BAZ1A: variants seen among roughly 807,000 people sequenced by gnomAD.
BAZ1A encodes bromodomain adjacent to zinc finger domain protein 1A.
BAZ1A carries 50 observed loss-of-function variants against 185.2 expected under a neutral mutation model. The ratio of observed to expected loss-of-function variants is 0.27; its 90% CI spans 0.22 to 0.34. The LOEUF (loss-of-function observed/expected upper bound fraction) is 0.34, where lower values mean the gene tolerates loss of function less well. Among genes scored for constraint, BAZ1A ranks in the 10% least tolerant of loss-of-function variants. The pLI is 1.00. For synonymous variants in BAZ1A, 571 were observed against 615.6 expected, an observed-to-expected ratio of 0.93 and a Z score of 1.07; for missense variants, 1,356 against 1,839.9, an observed-to-expected ratio of 0.74 and a Z score of 4.81.
intron 21 of BAZ1A, among the ~76,000 whole-genome samples, chr14:34,765,632 A>T (rs1235386198): frequency 1.3e-5 from 2 of 152,218 alleles, no homozygotes; most frequent in Non-Finnish European, 2.9e-5. Flanking sequence ...TGCATGAAGT[A>T]TGTTACTTCC....
intron 4 of BAZ1A, among the ~76,000 whole-genome samples, chr14:34,814,522 A>G (rs2041977201): frequency 6.6e-6 from 1 of 152,028 alleles, no homozygotes; most frequent in Non-Finnish European, 1.5e-5. Context: ...AGGCTGGAAT[A>G]CAGTGGCGCA....
intron 3 of BAZ1A, among the ~76,000 whole-genome samples, chr14:34,838,370 G>A (rs973785059): frequency 1.3e-5 from 2 of 152,080 alleles, no homozygotes; most frequent in African/African-American, 2.4e-5. Flanking sequence ...ATTTCAAGTC[G>A]TATCTGTTTC....
chr14:34,839,318 G>A (rs1312085886), intron 3 of BAZ1A, among the ~76,000 whole-genome samples: 1 of 152,080 alleles, frequency 6.6e-6, no homozygotes, highest in Non-Finnish European at 1.5e-5. Flanking sequence ...GGCTGAGGCA[G>A]GTGGATTGCT....
At chr14:34,832,187 C>CATAT (rs113371932) in intron 3 of BAZ1A, among the ~76,000 whole-genome samples, 3 of 102,582 alleles carry the variant, frequency 2.9e-5, no homozygotes, top group South Asian at 3.9e-4. Context: ...TACATATATA[C>CATAT]ATATACACAC....
chr14:34,755,967 T>C (rs910562992), intron 25 of BAZ1A, among the ~76,000 whole-genome samples: 2 of 151,556 alleles, frequency 1.3e-5, no homozygotes, highest in African/African-American at 4.8e-5. Context: ...ACTAAAGTCA[T>C]GCACCACCAC....
chr14:34,808,023 T>C (rs932573558), intron 5 of BAZ1A, among the ~76,000 whole-genome samples: 1 of 151,528 alleles, frequency 6.6e-6, no homozygotes, highest in African/African-American at 2.4e-5. Context: ...GAGAACAGCA[T>C]GAACACAGGA....
At chr14:34,827,749 A>C (rs1392805886) in intron 3 of BAZ1A, among the ~76,000 whole-genome samples, 1 of 141,578 alleles carries the variant, frequency 7.1e-6, no homozygotes, top group Non-Finnish European at 1.6e-5. Context: ...AAAAAAAAAA[A>C]AGAAAGTCAT....
chr14:34,868,526 G>A (rs887226331), intron 2 of BAZ1A, among the ~76,000 whole-genome samples: 1 of 152,138 alleles, frequency 6.6e-6, no homozygotes, highest in Non-Finnish European at 1.5e-5. Flanking sequence ...AAACTAGGCC[G>A]GGTGCCGTGA....
chr14:34,873,334 A>T (rs1316748290), intron 2 of BAZ1A, among the ~76,000 whole-genome samples: 1 of 152,168 alleles, frequency 6.6e-6, no homozygotes, highest in Non-Finnish European at 1.5e-5. Flanking sequence ...GATAAAGCAT[A>T]AGAAAAAGAG....
chr14:34,784,902 G>A (rs1880333951), intron 14 of BAZ1A, among the ~76,000 whole-genome samples: 1 of 152,098 alleles, frequency 6.6e-6, no homozygotes, highest in African/African-American at 2.4e-5. Context: ...TGTCGCCCAG[G>A]CTGGAGTACA....
chr14:34,771,247 C>T, intron 21 of BAZ1A: 1 of 296,218 alleles, frequency 3.4e-6, no homozygotes, highest in Non-Finnish European at 6.2e-6. Context: ...AGCGATTCCA[C>T]CTCAGCCTCC....
intron 3 of BAZ1A, among the ~76,000 whole-genome samples, chr14:34,835,122 C>T (rs1362453127): frequency 6.6e-6 from 1 of 151,722 alleles, no homozygotes; most frequent in Non-Finnish European, 1.5e-5. Context: ...AATGCAGTGG[C>T]ATGATCTCAG....
intron 3 of BAZ1A, among the ~76,000 whole-genome samples, chr14:34,841,283 C>A (rs1395008444): frequency 6.6e-6 from 1 of 152,168 alleles, no homozygotes; most frequent in Non-Finnish European, 1.5e-5. Flanking sequence ...ATTCTGATTG[C>A]CAATCATAGC....
intron 21 of BAZ1A, among the ~76,000 whole-genome samples, chr14:34,766,849 T>C (rs545244542): frequency 6.6e-6 from 1 of 152,274 alleles, no homozygotes; most frequent in East Asian, 1.9e-4. Flanking sequence ...AACAAAACAT[T>C]AAGTGAAAGC....
At chr14:34,807,831 C>T (rs747749779) in intron 5 of BAZ1A, among the ~76,000 whole-genome samples, 5 of 152,104 alleles carry the variant, frequency 3.3e-5, no homozygotes, top group Admixed American at 6.6e-5. Context: ...AAGAGCCGGG[C>T]GCAGTGGCTC....
At chr14:34,783,408 C>T (rs1317960492) in intron 15 of BAZ1A, among the ~76,000 whole-genome samples, 176 bp from the exon 16 acceptor site, 2 of 139,518 alleles carry the variant, frequency 1.4e-5, no homozygotes, top group African/African-American at 5.3e-5. Context: ...CACTCTTCTG[C>T]CCAGGCTGAT....
At chr14:34,797,813 G>T (rs1307834532) in intron 9 of BAZ1A, among the ~76,000 whole-genome samples, 2 of 152,158 alleles carry the variant, frequency 1.3e-5, no homozygotes, top group Admixed American at 6.5e-5. Flanking sequence ...GGTGCCCATG[G>T]AGGGCGAGCC....
At chr14:34,777,007 A>G (rs1052760253) in intron 17 of BAZ1A, among the ~76,000 whole-genome samples, 1 of 152,188 alleles carries the variant, frequency 6.6e-6, no homozygotes, top group Non-Finnish European at 1.5e-5. Flanking sequence ...AAATCAATAT[A>G]CTTAAATCTA....
At chr14:34,779,191 T>G (rs1459383655) in intron 17 of BAZ1A, among the ~76,000 whole-genome samples, 3 of 152,192 alleles carry the variant, frequency 2.0e-5, no homozygotes, top group Non-Finnish European at 2.9e-5. Flanking sequence ...CTCTAATGTA[T>G]TATTTCCTTC....
Sources: gnomAD v4.1 joint callset for allele counts (sites outside exome capture counted in the v4.1 genomes callset) on GRCh38, gnomAD v4.1.1 for gene constraint, MANE v1.5 for transcripts, NCBI Gene and HGNC (gene_info 2026-07-23, HGNC 2026-07-21) for gene names.